Variants in PHPT1 observed in about 807,000 individuals in gnomAD.
PHPT1 encodes phosphohistidine phosphatase 1.
Under a neutral mutation model 15.6 loss-of-function variants are expected in PHPT1, and 16 were observed. The ratio of observed to expected loss-of-function variants is 1.03; its 90% CI spans 0.70 to 1.56. PHPT1 has a LOEUF of 1.56. Among genes scored for constraint, PHPT1 ranks in the 40% most tolerant of loss-of-function variants. The pLI is 0.00. For synonymous variants in PHPT1, 102 were observed against 68.1 expected, an observed-to-expected ratio of 1.50 and a Z score of -2.45; for missense variants, 228 against 171.0, an observed-to-expected ratio of 1.33 and a Z score of -1.86.
intron 1 of PHPT1, 141 bp downstream of exon 1, chr9:136,849,731 C>G: frequency 1.2e-6 from 1 of 837,742 alleles, no homozygotes; most frequent in South Asian, 2.0e-5. Flanking sequence ...GGACTGCGCT[C>G]TGCTCCGAGT....
In PHPT1 at chr9:136,850,109, A is replaced by G; in HGVS notation, c.257A>G (p.Lys86Arg). The change falls in exon 2 of 3, where the codon AAG becomes AGG. Residue 86 changes from lysine to arginine, a missense_variant. Physicochemically the swap from Lys to Arg is conservative, Grantham distance 26. Coordinates refer to ENST00000247665, the MANE Select transcript of PHPT1 (RefSeq NM_014172.6). ...GGRISHQSQD[K>R]KIHVYGYSMA... is the part of the protein sequence containing the mutation. ...CGCATCTCCCACCAGAGTCAGGACA[A>G]GAAGATTCACGTGTACGGCTATTCC... 2 of 1,613,200 alleles carry G rather than the reference A, an allele frequency of 1.2e-6. No individual in the cohort carries two copies. The highest frequency in any genetic ancestry group is 2.2e-5 in the East Asian group (1 of 44,874).
chr9:136,850,010 C>G lies in PHPT1; in HGVS notation c.161-3C>G. 1 of 1,610,490 alleles carries G rather than the reference C, an allele frequency of 6.2e-7. No individual in the cohort carries two copies. The highest frequency in any genetic ancestry group is 8.5e-7 in the Non-Finnish European group (1 of 1,178,450). On this transcript the variant is annotated splice_polypyrimidine_tract_variant and splice_region_variant and intron_variant, in intron 1 of 2. Coordinates refer to ENST00000247665, the MANE Select transcript of PHPT1 (RefSeq NM_014172.6). ...ACGTCCTGAGGCCGCCCTCCCATCC[C>G]AGCGGACATCTACGACAAAGTGTCG...
At chr9:136,849,628 T>C (rs1040233054) in intron 1 of PHPT1, 38 bp downstream of exon 1, 14 of 622,798 alleles carry the variant, frequency 2.2e-5, no homozygotes, top group Non-Finnish European at 2.9e-5. Flanking sequence ...GGGGCACGCC[T>C]GGCGAGGCGG....
chr9:136,850,284 G>A, intron 2 of PHPT1, 147 bp downstream of exon 2: 2 of 1,052,168 alleles, frequency 1.9e-6, no homozygotes, highest in Non-Finnish European at 2.8e-6. Flanking sequence ...CCTCCCTCCA[G>A]GGCCCATTGT....
Position 136,850,097 on chromosome 9 carries a change from A to G in PHPT1, c.245A>G (p.Gln82Arg), listed in dbSNP as rs771876914. 5.6e-6 allele frequency: 9 copies of G among 1,612,716 alleles called. No homozygotes were observed. In the Admixed American group the frequency reaches 1.5e-4, roughly 27 times the overall value. The change falls in exon 2 of 3, where the codon CAG becomes CGG. Residue 82 changes from glutamine (Q) to arginine (R), a missense_variant. Physicochemically the swap from Gln to Arg is conservative, Grantham distance 43. Coordinates refer to ENST00000247665, the MANE Select transcript of PHPT1 (RefSeq NM_014172.6). ...CTGGGCGGCGGGCGCATCTCCCACCAGAGTCAGGACAAGAAGATTCACGTG... is the reference window on the plus strand; with the variant it reads ...CTGGGCGGCGGGCGCATCTCCCACCGGAGTCAGGACAAGAAGATTCACGTG... ...ECLGGGRISH[Q>R]SQDKKIHVYG...
intron 1 of PHPT1, 45 bp downstream of exon 1, chr9:136,849,635 G>T: frequency 6.9e-7 from 1 of 1,451,708 alleles, no homozygotes; most frequent in Non-Finnish European, 9.2e-7. Flanking sequence ...GCCTGGCGAG[G>T]CGGGGGCGGG....
At position 136,849,447 on chromosome 9, in the gene PHPT1, T is replaced by C. The variant is rs1230101414; in HGVS notation, c.17T>C (p.Leu6Pro). Residue 6 changes from leucine to proline, a missense_variant, in exon 1 of 3, where the codon CTC becomes CCC. Coordinates refer to ENST00000247665, the MANE Select transcript of PHPT1 (RefSeq NM_014172.6). MAVAD[L>P]ALIPDVDIDS... ...AGGAGGAACATGGCGGTGGCGGACC[T>C]CGCTCTCATTCCTGATGTGGACATC... The C allele has an allele frequency of 6.2e-7, 1 of 1,606,278 alleles. No homozygotes were observed. The highest frequency in any genetic ancestry group is 8.5e-7 in the Non-Finnish European group (1 of 1,176,284).
rs150440929 is a variant in PHPT1, at chr9:136,849,430, C to T, written c.-1C>T. ...GAGGAGGGGACTCCGGGAGGAGGAA[C>T]ATGGCGGTGGCGGACCTCGCTCTCA... On this transcript the variant is annotated 5_prime_UTR_variant, in exon 1 of 3. Coordinates refer to ENST00000247665, the MANE Select transcript of PHPT1 (RefSeq NM_014172.6). 9.4e-3 allele frequency: 15,025 copies of T among 1,593,106 alleles called. 145 individuals are homozygous for T. Among genetic ancestry groups the T allele is most frequent in the South Asian group, 0.035 (3,099 of 88,812 alleles).
intron 2 of PHPT1, 84 bp downstream of exon 2, chr9:136,850,221 C>A (rs569672326): frequency 5.1e-5 from 81 of 1,574,658 alleles, no homozygotes; most frequent in Middle Eastern, 1.7e-4. Flanking sequence ...TGACCCGTGG[C>A]CCCAGCTGAG....
chr9:136,850,263 G>C (rs1247504761), intron 2 of PHPT1, 126 bp downstream of exon 2: 2 of 1,287,014 alleles, frequency 1.6e-6, no homozygotes, highest in Non-Finnish European at 2.2e-6. Context: ...TCCCAGGGTC[G>C]GCGGCAGAGC....
chr9:136,850,236 C>T (rs1294650013), intron 2 of PHPT1, 99 bp downstream of exon 2: 2 of 1,517,608 alleles, frequency 1.3e-6, no homozygotes, highest in Admixed American at 1.8e-5. Flanking sequence ...GCTGAGCACG[C>T]AGGCTTCCTG....
At chr9:136,850,196 C>G in intron 2 of PHPT1, 59 bp downstream of exon 2, 1 of 1,606,860 alleles carries the variant, frequency 6.2e-7, no homozygotes, top group Non-Finnish European at 8.5e-7. Flanking sequence ...CGAGGCCCAC[C>G]TGAGCCTGCT....
intron 1 of PHPT1, 197 bp from the exon 2 acceptor site, chr9:136,849,816 G>A: frequency 2.8e-6 from 2 of 717,284 alleles, no homozygotes; most frequent in Non-Finnish European, 4.5e-6. Context: ...ACCCTCCCCA[G>A]CAGTCTCCCA....
rs368138020 is a variant in PHPT1, at chr9:136,850,335, G to A, written c.285+198G>A. On this transcript the variant is annotated intron_variant, in intron 2 of 2. Transcript: ENST00000247665. ...CATGGAGCACACGCCAGACCTGAGG[G>A]GTGGGACGGACACCCCCAGACATGG... is the stretch of plus-strand genomic sequence containing the variant. The A allele has an allele frequency of 4.8e-5, 41 of 847,374 alleles. No individual in the cohort carries two copies. The East Asian group carries it at 6.9e-4, about 14-fold the overall frequency. The allele number at this position is 847,374 out of a possible 1,614,324, so 52.5% of individuals were successfully genotyped here.
intron 2 of PHPT1, chr9:136,850,438 C>CA: frequency 7.0e-7 from 1 of 1,429,472 alleles, no homozygotes; most frequent in Non-Finnish European, 9.7e-7. Flanking sequence ...CCTGGGCCCC[C>CA]AGAGGCAGTC....
At position 136,850,215 on chromosome 9, in the gene PHPT1, C is replaced by T. The variant is rs1268090199; in HGVS notation, c.285+78C>T. The T allele has an allele frequency of 6.9e-6, 11 of 1,588,424 alleles. No individual in the cohort carries two copies. In the African/African-American group the frequency reaches 9.4e-5, roughly 14 times the overall value. On this transcript the variant is annotated intron_variant, in intron 2 of 2. Transcript: ENST00000247665. ...GCCCACCTGAGCCTGCTGCCCTGAC[C>T]CGTGGCCCCAGCTGAGCACGCAGGC...
chr9:136,849,537 C>G lies in PHPT1; in HGVS notation c.107C>G (p.Pro36Arg). 1.2e-6 allele frequency: 2 copies of G among 1,610,496 alleles called. No homozygotes were observed. The highest frequency in any genetic ancestry group is 1.7e-6 in the Non-Finnish European group (2 of 1,179,254). Reference protein sequence around the residue: ...RVHSAPRSGAPAAESKEIVRG... With the variant: ...RVHSAPRSGARAAESKEIVRG... The stretch of plus-strand genomic sequence containing the variant: ...CACTCGGCTCCCCGCTCCGGGGCTC[C>G]GGCTGCAGAGAGCAAGGAGATCGTG... Residue 36 changes from proline to arginine, a missense_variant, in exon 1 of 3, where the codon CCG (proline) becomes CGG (arginine). Physicochemically the swap from Pro to Arg is moderately radical, Grantham distance 103 (BLOSUM62 -2). Transcript: ENST00000247665.
chr9:136,850,415 C>T lies in PHPT1; in HGVS notation c.285+278C>T, dbSNP rs552542378. The T allele has an allele frequency of 7.3e-6, 9 of 1,225,958 alleles. No homozygotes were observed. The East Asian group carries it at 7.6e-5, about 10-fold the overall frequency. The allele number at this position is 1,225,958 out of a possible 1,614,324, so 75.9% of individuals were successfully genotyped here. On this transcript the variant is annotated intron_variant, in intron 2 of 2. Coordinates refer to ENST00000247665, the MANE Select transcript of PHPT1 (RefSeq NM_014172.6). ...GCCTTGCTGGGCTCTAGCTGTCCTC[C>T]AGCACTTTGGGCCCTGGGCCCCCAG...
chr9:136,849,569 T>C lies in PHPT1; in HGVS notation c.139T>C (p.Tyr47His). 2 of 1,601,416 alleles carry C rather than the reference T, an allele frequency of 1.2e-6. No individual in the cohort carries two copies. Among genetic ancestry groups the C allele is most frequent in the Non-Finnish European group, 1.7e-6 (2 of 1,175,536 alleles). ...AAESKEIVRG[Y>H]KWAEYHADIY... ...AGAGAGCAAGGAGATCGTGCGCGGC[T>C]ACAAGTGGGCTGAGTACCATGGTGA... is the stretch of plus-strand genomic sequence containing the variant. The change falls in exon 1 of 3, where the codon TAC (tyrosine) becomes CAC (histidine). Residue 47 changes from tyrosine to histidine, a missense_variant. Tyr to His is a moderately conservative substitution (Grantham distance 83). Coordinates refer to ENST00000247665, the MANE Select transcript of PHPT1 (RefSeq NM_014172.6).
Sources: allele counts gnomAD v4.1 joint callset, GRCh38; gene constraint gnomAD v4.1.1; transcripts MANE v1.5; gene names NCBI Gene and HGNC (gene_info 2026-07-23, HGNC 2026-07-21).